Variants in PCDHA4 observed in about 807,000 individuals in gnomAD.
The protein encoded by PCDHA4 is protocadherin alpha 4.
PCDHA4 carries 49 observed loss-of-function variants against 61.4 expected under a neutral mutation model. The observed-to-expected ratio is 0.80, with a 90% CI of 0.63 to 1.01. The LOEUF (loss-of-function observed/expected upper bound fraction) is 1.01. Ranked by LOEUF, PCDHA4 falls within the 50% of genes least tolerant of loss-of-function variation. The pLI, the probability that PCDHA4 is intolerant of heterozygous loss-of-function variation, is 0.00. For missense variants in PCDHA4, 1,254 were observed against 1,235.8 expected, an observed-to-expected ratio of 1.01 and a Z score of -0.22; for synonymous variants, 590 against 550.3, an observed-to-expected ratio of 1.07 and a Z score of -1.01.
At chr5:140,850,528 C>T (rs1228882569) in intron 1 of PCDHA4, 1 of 1,598,306 alleles carries the variant, frequency 6.3e-7, no homozygotes, top group African/African-American at 1.3e-5. Context: ...GCGCCAAAGT[C>T]ATCGTCGCGG....
At chr5:140,983,473 ATAG>A (rs746174585) in intron 3 of PCDHA4, among the ~76,000 whole-genome samples, 7 of 152,242 alleles carry the variant, frequency 4.6e-5, no homozygotes, top group Admixed American at 6.5e-5. Flanking sequence ...CATGATGATA[ATAG>A]TAGTTACTAA....
intron 1 of PCDHA4, chr5:140,823,532 C>A (rs138704270): frequency 3.1e-6 from 5 of 1,613,746 alleles, no homozygotes; most frequent in Admixed American, 1.7e-5. Flanking sequence ...TCAGTGGGTG[C>A]GGGCCACGTG....
At chr5:140,853,743 T>C (rs1258118631) in intron 1 of PCDHA4, 2 of 988,454 alleles carry the variant, frequency 2.0e-6, no homozygotes, top group African/African-American at 1.8e-5. Context: ...AATGTTCTGG[T>C]TCAAGGCTCC....
In PCDHA4 at chr5:140,848,354, C is replaced by T. The variant is rs1427419086; in HGVS notation, c.2385+38782C>T. The T allele has an allele frequency of 5.9e-6, 6 of 1,023,948 alleles. No homozygotes were observed. In the East Asian group the frequency reaches 7.1e-5, roughly 12 times the overall value. The allele number at this position is 1,023,948 out of a possible 1,614,324, so 63.4% of individuals were successfully genotyped here. On this transcript the variant is annotated intron_variant, in intron 1 of 3. Transcript: ENST00000530339. Reference sequence around the variant, plus strand: ...AATCCAGACAAATACAGCCCTTTTCCCATGGGAAAGAGGCTCAATTCTTTT... The same window carrying T: ...AATCCAGACAAATACAGCCCTTTTCTCATGGGAAAGAGGCTCAATTCTTTT...
At chr5:140,838,260 C>A (rs1775624782) in intron 1 of PCDHA4, among the ~76,000 whole-genome samples, 1 of 147,458 alleles carries the variant, frequency 6.8e-6, no homozygotes, top group African/African-American at 2.5e-5. Context: ...ATTAAAGACG[C>A]CAACAACCAA....
intron 1 of PCDHA4, chr5:140,856,843 T>G: frequency 6.3e-7 from 1 of 1,593,286 alleles, no homozygotes; most frequent in South Asian, 1.1e-5. Context: ...GGCTCAACGC[T>G]TCTGATTCGG....
intron 1 of PCDHA4, among the ~76,000 whole-genome samples, chr5:140,826,325 G>T (rs1455505548): frequency 6.6e-6 from 1 of 151,996 alleles, no homozygotes; most frequent in East Asian, 1.9e-4. Context: ...GATTGTTTTT[G>T]GTTAAGAAAT....
intron 1 of PCDHA4, chr5:140,870,265 C>G (rs782376161): frequency 6.2e-7 from 1 of 1,614,214 alleles, no homozygotes; most frequent in Non-Finnish European, 8.5e-7. Flanking sequence ...GACCTGCTCG[C>G]TGACGCCCCA....
intron 1 of PCDHA4, among the ~76,000 whole-genome samples, chr5:140,959,265 T>C (rs1341807372): frequency 1.3e-5 from 2 of 152,076 alleles, no homozygotes; most frequent in African/African-American, 2.4e-5. Context: ...TAGTCCCAGC[T>C]ACCCAGGAGC....
chr5:140,828,073 A>G, intron 1 of PCDHA4: 1 of 1,567,184 alleles, frequency 6.4e-7, no homozygotes, highest in East Asian at 2.2e-5. Context: ...TAATGGAAAT[A>G]AAACCAGAGG....
At chr5:140,965,880 A>G (rs1414604415) in intron 1 of PCDHA4, among the ~76,000 whole-genome samples, 1 of 152,190 alleles carries the variant, frequency 6.6e-6, no homozygotes, top group Non-Finnish European at 1.5e-5. Context: ...CTTGGCCGAG[A>G]GCAGAATTGA....
chr5:140,875,803 G>C (rs370212231), intron 1 of PCDHA4: 17 of 1,614,218 alleles, frequency 1.1e-5, no homozygotes, highest in Non-Finnish European at 1.4e-5. Context: ...GGTGATCGTG[G>C]ACAGGCCGCT....
chr5:140,858,650 T>G, intron 1 of PCDHA4: 2 of 822,762 alleles, frequency 2.4e-6, no homozygotes, highest in South Asian at 3.9e-5. Context: ...GGTACTTAAA[T>G]TTTTTTAAAT....
intron 2 of PCDHA4, among the ~76,000 whole-genome samples, chr5:140,980,278 GAAAAGT>G (rs1267614144): frequency 6.6e-6 from 1 of 152,166 alleles, no homozygotes; most frequent in Non-Finnish European, 1.5e-5. Context: ...ACCAACTCTT[GAAAAGT>G]ACCAAAGCTA....
intron 1 of PCDHA4, chr5:140,822,764 C>G: frequency 4.3e-6 from 7 of 1,613,898 alleles, no homozygotes; most frequent in Non-Finnish European, 5.1e-6. Flanking sequence ...TTCCCATTAT[C>G]AGGACACTGT....
Position 141,010,329 on chromosome 5 carries a change from G to A in PCDHA4, c.*392G>A. The A allele has an allele frequency of 6.5e-7, 1 of 1,538,672 alleles. No individual in the cohort carries two copies. Among genetic ancestry groups the A allele is most frequent in the Non-Finnish European group, 8.8e-7 (1 of 1,142,532 alleles). On this transcript the variant is annotated 3_prime_UTR_variant, in exon 4 of 4. Transcript: ENST00000530339. ...AGTTTTGAGATTGAGCAGCTTGGGA[G>A]TTTGTGGCCACTGGGTATGTGTGGC...
rs782248203 is a variant in PCDHA4, at chr5:140,808,887, C to T, written c.1700C>T (p.Ala567Val). Residue 567 changes from alanine to valine, a missense_variant, in exon 1 of 4, where the codon GCG becomes GTG. Physicochemically the swap from Ala to Val is moderately conservative, Grantham distance 64. Transcript: ENST00000530339. ...AACGACAACGCGCCAGCACTGCTAG[C>T]GCCTCGGGCGGGTGGCACTGGTGGC... ...DENDNAPALL[A>V]PRAGGTGGAV... is the part of the protein sequence containing the mutation. The T allele has an allele frequency of 5.6e-6, 9 of 1,613,172 alleles. No homozygotes were observed. The highest frequency in any genetic ancestry group is 7.6e-6 in the Non-Finnish European group (9 of 1,179,880).
chr5:140,966,732 G>T (rs2153748727), intron 1 of PCDHA4: 1 of 1,415,600 alleles, frequency 7.1e-7, no homozygotes, highest in African/African-American at 1.5e-5. Context: ...GCCGCCTCCG[G>T]CCCTGCCCGG....
At chr5:140,992,587 A>C (rs1393295001) in intron 3 of PCDHA4, among the ~76,000 whole-genome samples, 2 of 152,186 alleles carry the variant, frequency 1.3e-5, no homozygotes, top group African/African-American at 2.4e-5. Context: ...CCTTGTATGC[A>C]TCTAGCGTCT....
Sources: allele counts gnomAD v4.1 joint callset (sites outside exome capture counted in the v4.1 genomes callset), GRCh38; gene constraint gnomAD v4.1.1; transcripts MANE v1.5; gene names NCBI Gene and HGNC (gene_info 2026-07-23, HGNC 2026-07-21).